KIF18A: variants seen among roughly 807,000 people sequenced by gnomAD.
KIF18A encodes the protein kinesin-like protein KIF18A.
KIF18A carries 67 observed loss-of-function variants against 103.3 expected under a neutral mutation model. The ratio of observed to expected loss-of-function variants is 0.65; its 90% CI spans 0.53 to 0.79. The LOEUF is 0.79. KIF18A is among the 30% of genes least tolerant of loss of function. KIF18A has a pLI of 0.00. For missense variants in KIF18A, 1,032 were observed against 1,062.5 expected, an observed-to-expected ratio of 0.97 and a Z score of 0.40; for synonymous variants, 367 against 355.5, an observed-to-expected ratio of 1.03 and a Z score of -0.36.
intron 9 of KIF18A, among the ~76,000 whole-genome samples, chr11:28,079,209 A>G (rs1230161054): frequency 6.6e-6 from 1 of 152,068 alleles, no homozygotes; most frequent in Non-Finnish European, 1.5e-5. Flanking sequence ...TTTAATTGGT[A>G]TAGTAGACTT....
chr11:28,064,068 T>G lies in KIF18A; in HGVS notation c.1591-1552A>C, dbSNP rs1405574548. Among the ~76,000 whole-genome samples the G allele has an allele frequency of 2.0e-5, 3 of 151,292 alleles. No individual in the cohort carries two copies. The East Asian group carries it at 5.8e-4, about 29-fold the overall frequency. ...TTATATATTAAAGTTAGGAGTTATT[T>G]ATATATATTAAAGTTAGGATATATT... On this transcript the variant is annotated intron_variant, in intron 11 of 16. Transcript: ENST00000263181.
chr11:28,068,459 T>A (rs1037431927), intron 11 of KIF18A, among the ~76,000 whole-genome samples: 1 of 148,726 alleles, frequency 6.7e-6, no homozygotes, highest in Non-Finnish European at 1.5e-5. Flanking sequence ...GGAGCTCCAA[T>A]ACTGTTCAGA....
chr11:28,099,573 C>G (rs1851420161), intron 1 of KIF18A, among the ~76,000 whole-genome samples: 2 of 152,080 alleles, frequency 1.3e-5, no homozygotes, highest in Non-Finnish European at 2.9e-5. Flanking sequence ...ATCCTATAAA[C>G]TTACACATTT....
At chr11:28,056,707 A>T (rs7944852) in intron 13 of KIF18A, 84,571 of 163,912 alleles carry the variant, frequency 0.52, 23,217 homozygotes, top group East Asian at 0.72. Flanking sequence ...AAGCCAGAAG[A>T]CAGATTGTAT....
chr11:28,061,487 T>C (rs945917282), intron 12 of KIF18A, among the ~76,000 whole-genome samples: 4 of 152,114 alleles, frequency 2.6e-5, no homozygotes, highest in Non-Finnish European at 5.9e-5. Flanking sequence ...AAATGTAATA[T>C]GGTTAAAAGA....
intron 1 of KIF18A, among the ~76,000 whole-genome samples, chr11:28,102,453 T>C (rs1851457767): frequency 6.6e-6 from 1 of 152,140 alleles, no homozygotes; most frequent in African/African-American, 2.4e-5. Context: ...CATGCCTCTC[T>C]AAAATATAAA....
intron 4 of KIF18A, 147 bp downstream of exon 4, chr11:28,091,262 G>T: frequency 2.0e-6 from 1 of 504,612 alleles, no homozygotes; most frequent in South Asian, 3.6e-5. Context: ...AACAAAATAA[G>T]ACTAAAAATA....
intron 10 of KIF18A, among the ~76,000 whole-genome samples, chr11:28,076,007 T>G (rs907288864): frequency 1.3e-5 from 2 of 151,982 alleles, no homozygotes; most frequent in African/African-American, 2.4e-5. Flanking sequence ...CCAACAGTGA[T>G]GGTTGGCAAG....
chr11:28,036,727 T>C, intron 13 of KIF18A, 63 bp from the exon 14 acceptor site: 1 of 1,022,556 alleles, frequency 9.8e-7, no homozygotes, highest in Non-Finnish European at 1.4e-6. Context: ...TAACCCCCAT[T>C]ACTTTTAAAA....
chr11:28,049,514 T>C (rs1373753248), intron 13 of KIF18A, among the ~76,000 whole-genome samples: 1 of 152,026 alleles, frequency 6.6e-6, no homozygotes, highest in African/African-American at 2.4e-5. Flanking sequence ...ATGCGGTATT[T>C]AGCAAACATG....
intron 13 of KIF18A, among the ~76,000 whole-genome samples, chr11:28,040,457 T>C (rs1471702625): frequency 6.6e-6 from 1 of 151,550 alleles, no homozygotes; most frequent in Non-Finnish European, 1.5e-5. Flanking sequence ...AGAGTAGAAG[T>C]GATAAGAAGG....
chr11:28,075,109 A>G (rs1279178590), intron 10 of KIF18A, among the ~76,000 whole-genome samples: 1 of 152,128 alleles, frequency 6.6e-6, no homozygotes, highest in Non-Finnish European at 1.5e-5. Context: ...TTTTCACTAA[A>G]TATCTCCTTC....
chr11:28,100,724 A>T (rs1261990969), intron 1 of KIF18A, among the ~76,000 whole-genome samples: 1 of 152,164 alleles, frequency 6.6e-6, no homozygotes, highest in East Asian at 1.9e-4. Flanking sequence ...TAGATGCTAG[A>T]CATATCTTTG....
chr11:28,060,930 G>C (rs1356375231), intron 12 of KIF18A, among the ~76,000 whole-genome samples: 1 of 152,170 alleles, frequency 6.6e-6, no homozygotes. Flanking sequence ...CACATTCTGT[G>C]TGATTCCACT....
intron 12 of KIF18A, among the ~76,000 whole-genome samples, chr11:28,061,010 C>T (rs778204594): frequency 3.3e-5 from 5 of 152,132 alleles, no homozygotes; most frequent in African/African-American, 7.2e-5. Context: ...TTCCCTTTGC[C>T]GAATGTGCTT....
chr11:28,036,172 G>C, intron 14 of KIF18A, 45 bp downstream of exon 14: 1 of 1,274,902 alleles, frequency 7.8e-7, no homozygotes. Flanking sequence ...ATAGTTGAAA[G>C]TCTATGTTAA....
At chr11:28,087,067 A>T (rs918545276) in intron 6 of KIF18A, among the ~76,000 whole-genome samples, 1 of 152,060 alleles carries the variant, frequency 6.6e-6, no homozygotes, top group Admixed American at 6.5e-5. Context: ...AAGCTTTTTT[A>T]AAAAAATTAA....
chr11:28,070,843 C>T (rs1851003390), intron 10 of KIF18A, among the ~76,000 whole-genome samples: 1 of 152,160 alleles, frequency 6.6e-6, no homozygotes, highest in African/African-American at 2.4e-5. Flanking sequence ...AAGTGCAAGA[C>T]CATCCTGGAC....
chr11:28,101,944 C>T (rs188380653), intron 1 of KIF18A, among the ~76,000 whole-genome samples: 5 of 152,182 alleles, frequency 3.3e-5, no homozygotes, highest in Admixed American at 1.3e-4. Flanking sequence ...TCATTAGATG[C>T]GTTTTATTTG....
Sources: allele counts gnomAD v4.1 joint callset (sites outside exome capture counted in the v4.1 genomes callset), GRCh38; gene constraint gnomAD v4.1.1; transcripts MANE v1.5; gene names NCBI Gene and HGNC (gene_info 2026-07-23, HGNC 2026-07-21).